The following GRIP1 variants were observed in gnomAD, a reference collection of about 807,000 sequenced individuals.
GRIP1 encodes the protein glutamate receptor interacting protein 1, also known as glutamate receptor-interacting protein 1.
GRIP1 carries 45 observed loss-of-function variants against 129.9 expected under a neutral mutation model. The ratio of observed to expected loss-of-function variants is 0.35; its 90% confidence interval spans 0.27 to 0.44. GRIP1 has a LOEUF of 0.44. Among genes scored for constraint, GRIP1 ranks in the 20% least tolerant of loss-of-function variants. GRIP1 has a pLI of 1.00. For synonymous variants in GRIP1, 530 were observed against 520.8 expected, an observed-to-expected ratio of 1.02 and a Z score of -0.24; for missense variants, 1,196 against 1,396.8, an observed-to-expected ratio of 0.86 and a Z score of 2.29.
chr12:67,041,758 A>G (rs2043183780), intron 1 of GRIP1, among the ~76,000 whole-genome samples: 1 of 150,900 alleles, frequency 6.6e-6, no homozygotes, highest in African/African-American at 2.5e-5. Context: ...TTATGAAAGA[A>G]AAGCCACAGG....
chr12:66,926,394 C>T (rs2041296583), intron 1 of GRIP1, among the ~76,000 whole-genome samples: 1 of 152,202 alleles, frequency 6.6e-6, no homozygotes, highest in South Asian at 2.1e-4. Context: ...TAAAATCAAA[C>T]TTTTAAAATA....
intron 2 of GRIP1, among the ~76,000 whole-genome samples, chr12:66,579,698 G>A (rs2063294812): frequency 1.3e-5 from 2 of 152,042 alleles, no homozygotes; most frequent in Non-Finnish European, 2.9e-5. Context: ...AAGAAGGGAA[G>A]TTTAGAGAAA....
intron 14 of GRIP1, among the ~76,000 whole-genome samples, chr12:66,431,210 C>G (rs111884480): frequency 6.0e-4 from 92 of 152,140 alleles, no homozygotes; most frequent in African/African-American, 2.1e-3. Flanking sequence ...AGTGACATAC[C>G]ATCTTTGCTG....
intron 2 of GRIP1, 101 bp from the exon 3 acceptor site, chr12:66,542,051 A>AAGT: frequency 1.9e-6 from 2 of 1,052,736 alleles, no homozygotes; most frequent in Non-Finnish European, 3.0e-6. Context: ...TTATGAGAAA[A>AAGT]GATATTTATG....
At chr12:66,582,477 C>A (rs1240889377) in intron 2 of GRIP1, among the ~76,000 whole-genome samples, 1 of 149,320 alleles carries the variant, frequency 6.7e-6, no homozygotes, top group Non-Finnish European at 1.5e-5. Flanking sequence ...TCTCTGTTTG[C>A]AGATGACATG....
intron 1 of GRIP1, among the ~76,000 whole-genome samples, chr12:67,055,321 G>C (rs1306206985): frequency 6.6e-6 from 1 of 152,150 alleles, no homozygotes; most frequent in Non-Finnish European, 1.5e-5. Flanking sequence ...AATGGGATGT[G>C]GTGCACAAGT....
At chr12:66,637,427 ACT>A (rs1455305914) in intron 1 of GRIP1, among the ~76,000 whole-genome samples, 1 of 151,582 alleles carries the variant, frequency 6.6e-6, no homozygotes, top group Non-Finnish European at 1.5e-5. Context: ...CATACTACAT[ACT>A]CTTATTTTAC....
At chr12:66,355,162 A>G (rs984947555) in intron 23 of GRIP1, among the ~76,000 whole-genome samples, 1 of 152,200 alleles carries the variant, frequency 6.6e-6, no homozygotes, top group Non-Finnish European at 1.5e-5. Flanking sequence ...GAGAATCTGC[A>G]GAACTAATGT....
Position 66,517,612 on chromosome 12 carries a change from T to A in GRIP1, c.578+289A>T, listed in dbSNP as rs931728816. 2.0e-5 allele frequency among the ~76,000 whole-genome samples: 3 copies of A among 152,168 alleles called. No individual in the cohort carries two copies. In the East Asian group the frequency reaches 5.8e-4, roughly 29 times the overall value. On this transcript the variant is annotated intron_variant, in intron 6 of 24. Transcript: ENST00000359742. ...CAAGGCATTATATATCTCCAATCTT[T>A]GATAAAACTGATCAGCTCTGAAAGG...
chr12:66,917,871 A>G (rs1422609303), intron 1 of GRIP1, among the ~76,000 whole-genome samples: 2 of 152,056 alleles, frequency 1.3e-5, no homozygotes, highest in Admixed American at 6.6e-5. Flanking sequence ...CTATCTCTTT[A>G]TATCTCTGAA....
intron 1 of GRIP1, among the ~76,000 whole-genome samples, chr12:66,994,802 T>C (rs1361997106): frequency 6.6e-6 from 1 of 152,094 alleles, no homozygotes; most frequent in Non-Finnish European, 1.5e-5. Context: ...ATAATCATTA[T>C]CAAAATTTCA....
At chr12:66,612,019 ATCTC>A (rs992575200) in intron 1 of GRIP1, among the ~76,000 whole-genome samples, 1 of 152,194 alleles carries the variant, frequency 6.6e-6, no homozygotes, top group African/African-American at 2.4e-5. Flanking sequence ...AGTTACATAA[ATCTC>A]TAAGCTTCAA....
chr12:66,815,972 C>A (rs1036929852), intron 1 of GRIP1, among the ~76,000 whole-genome samples: 8 of 151,838 alleles, frequency 5.3e-5, no homozygotes, highest in Non-Finnish European at 1.2e-4. Flanking sequence ...TTCCTTCTGT[C>A]TGAAACATGA....
chr12:66,439,003 TAG>T (rs775242079), intron 13 of GRIP1, among the ~76,000 whole-genome samples: 1 of 152,094 alleles, frequency 6.6e-6, no homozygotes, highest in Non-Finnish European at 1.5e-5. Context: ...AGCAAGAGAA[TAG>T]AGAGTGATAG....
chr12:66,473,595 G>A (rs574593336), intron 7 of GRIP1, among the ~76,000 whole-genome samples: 52 of 152,284 alleles, frequency 3.4e-4, no homozygotes, highest in Non-Finnish European at 6.0e-4. Context: ...AGCTGGCATC[G>A]GGTGGGTGCC....
At chr12:66,765,464 A>C (rs2037607110) in intron 1 of GRIP1, among the ~76,000 whole-genome samples, 1 of 152,188 alleles carries the variant, frequency 6.6e-6, no homozygotes, top group Non-Finnish European at 1.5e-5. Context: ...GTGAAACAGG[A>C]AATGTCATAG....
intron 3 of GRIP1, 105 bp downstream of exon 3, chr12:66,541,710 G>T: frequency 8.5e-7 from 1 of 1,176,368 alleles, no homozygotes; most frequent in Non-Finnish European, 1.3e-6. Context: ...CCTGGCAGAT[G>T]GCAGCTGTCA....
Position 66,567,886 on chromosome 12 carries a change from C to T in GRIP1, c.137-25936G>A, listed in dbSNP as rs370847018. 29 of 164,778 alleles carry T rather than the reference C, an allele frequency of 1.8e-4. No individual in the cohort carries two copies. The East Asian group carries it at 3.6e-3, about 20-fold the overall frequency. The allele number at this position is 164,778 out of a possible 1,614,324, so 10.2% of individuals were successfully genotyped here. ...CCTCCTAGTTCCATTCAGAGCACTG[C>T]GAGGATAGAACATCCGTAAACACTG... On this transcript the variant is annotated intron_variant, in intron 2 of 24. Coordinates refer to ENST00000359742, the MANE Select transcript of GRIP1 (RefSeq NM_001366722.1).
intron 1 of GRIP1, among the ~76,000 whole-genome samples, chr12:66,761,057 C>A (rs1361165893): frequency 2.0e-5 from 3 of 152,044 alleles, no homozygotes; most frequent in Non-Finnish European, 2.9e-5. Flanking sequence ...GCAAAATGGT[C>A]TCTGCTTTCT....
Sources: allele counts gnomAD v4.1 joint callset (sites outside exome capture counted in the v4.1 genomes callset), GRCh38; gene constraint gnomAD v4.1.1; transcripts MANE v1.5; gene names NCBI Gene and HGNC (gene_info 2026-07-23, HGNC 2026-07-21).